The following ESR1 variants were observed in gnomAD, a reference collection of about 807,000 sequenced individuals.
ESR1 encodes the protein estrogen receptor.
Under a neutral mutation model 52.7 loss-of-function variants are expected in ESR1, and 12 were observed. That is an observed-to-expected ratio of 0.23 (90% CI 0.15 to 0.37). The LOEUF is 0.37. Among genes scored for constraint, ESR1 ranks in the 10% least tolerant of loss-of-function variants. ESR1 has a pLI of 1.00. For synonymous variants in ESR1, 305 were observed against 316.8 expected, an observed-to-expected ratio of 0.96 and a Z score of 0.39; for missense variants, 584 against 779.7, an observed-to-expected ratio of 0.75 and a Z score of 2.99.
In ESR1 at chr6:152,101,562, A is replaced by T; in HGVS notation, c.*2596A>T. Reference sequence around the variant, plus strand: ...CCCAGGGGTCTCCAGCAACTTTGGAAATCTCTTTGTATTTTTACTTGAAGT... The same window carrying T: ...CCCAGGGGTCTCCAGCAACTTTGGATATCTCTTTGTATTTTTACTTGAAGT... On this transcript the variant is annotated 3_prime_UTR_variant, in exon 8 of 8. Transcript: ENST00000206249. The T allele has an allele frequency of 4.3e-6, 1 of 231,006 alleles. No homozygotes were observed. The highest frequency in any genetic ancestry group is 8.6e-6 in the Non-Finnish European group (1 of 116,756). The allele number at this position is 231,006 out of a possible 1,614,324, so 14.3% of individuals were successfully genotyped here. A position where few individuals can be genotyped will look rare whatever the true frequency, so the allele number is the denominator to read the frequency against.
intron 6 of ESR1, among the ~76,000 whole-genome samples, chr6:152,124,675 T>C (rs1585389217): frequency 7.3e-6 from 1 of 136,104 alleles, no homozygotes; most frequent in South Asian, 2.6e-4. Flanking sequence ...ACCAATGAGT[T>C]ATTCCTAATA....
intron 2 of ESR1, among the ~76,000 whole-genome samples, chr6:151,704,584 A>G (rs537621656): frequency 6.6e-6 from 1 of 152,322 alleles, no homozygotes; most frequent in South Asian, 2.1e-4. Context: ...TTAAAACATA[A>G]AAGTTCCATT....
intron 2 of ESR1, among the ~76,000 whole-genome samples, chr6:151,858,882 T>C (rs1788376208): frequency 6.6e-6 from 1 of 152,218 alleles, no homozygotes; most frequent in African/African-American, 2.4e-5. Context: ...AGGAGACCAA[T>C]TTACTTCTGT....
At chr6:151,735,088 T>C (rs1782544243) in intron 2 of ESR1, among the ~76,000 whole-genome samples, 1 of 152,246 alleles carries the variant, frequency 6.6e-6, no homozygotes, top group Non-Finnish European at 1.5e-5. Flanking sequence ...CATTTCTTCA[T>C]TAGACAAGGA....
Position 151,980,624 on chromosome 6 carries a change from T to G in ESR1, c.1097-31032T>G, listed in dbSNP as rs143698163. 2.0e-5 allele frequency among the ~76,000 whole-genome samples: 3 copies of G among 152,354 alleles called. No individual in the cohort carries two copies. In the East Asian group the frequency reaches 5.8e-4, roughly 29 times the overall value. On this transcript the variant is annotated intron_variant, in intron 4 of 7. Coordinates refer to ENST00000206249, the MANE Select transcript of ESR1 (RefSeq NM_000125.4). Reference sequence around the variant, plus strand: ...CTTAAGGACCAGATTAGACCAGCCATCTGCATCATGTAGCATGTCTGGGTT... The same window carrying G: ...CTTAAGGACCAGATTAGACCAGCCAGCTGCATCATGTAGCATGTCTGGGTT...
At position 151,814,493 on chromosome 6, in the gene ESR1, T is replaced by C. The variant is rs542274608; in HGVS notation, c.452+6129T>C. 2.0e-5 allele frequency among the ~76,000 whole-genome samples: 3 copies of C among 152,304 alleles called. No homozygotes were observed. The South Asian group carries it at 6.2e-4, about 32-fold the overall frequency. Reference sequence around the variant, plus strand: ...TTTCACCTTTTCTGGTTTATTTCTTTATTGACCTGTCTCATCTGTTATTTT... The same window carrying C: ...TTTCACCTTTTCTGGTTTATTTCTTCATTGACCTGTCTCATCTGTTATTTT... On this transcript the variant is annotated intron_variant, in intron 1 of 7. Coordinates refer to ENST00000206249, the MANE Select transcript of ESR1 (RefSeq NM_000125.4).
intron 2 of ESR1, among the ~76,000 whole-genome samples, chr6:151,794,720 C>T (rs1184828714): frequency 2.0e-5 from 3 of 151,976 alleles, no homozygotes; most frequent in East Asian, 1.9e-4. Context: ...ACACTAGACT[C>T]GTGAGTTTTT....
chr6:152,031,682 C>T (rs1014189928), intron 5 of ESR1, among the ~76,000 whole-genome samples: 28 of 152,098 alleles, frequency 1.8e-4, no homozygotes, highest in African/African-American at 5.1e-4. Flanking sequence ...CAGGACCAGA[C>T]GGATTCACAG....
intron 3 of ESR1, among the ~76,000 whole-genome samples, chr6:151,933,084 G>A (rs1032977994): frequency 6.6e-6 from 1 of 151,788 alleles, no homozygotes; most frequent in Admixed American, 6.6e-5. Context: ...TCCTACCCAT[G>A]AGCATGGAAT....
At chr6:152,115,645 A>T (rs1029941294) in intron 6 of ESR1, among the ~76,000 whole-genome samples, 3 of 152,232 alleles carry the variant, frequency 2.0e-5, no homozygotes, top group African/African-American at 7.2e-5. Flanking sequence ...TGAAGTCAGG[A>T]CACTTCATAT....
At chr6:151,776,927 C>T (rs979517841) in intron 2 of ESR1, among the ~76,000 whole-genome samples, 1 of 151,106 alleles carries the variant, frequency 6.6e-6, no homozygotes, top group Non-Finnish European at 1.5e-5. Context: ...GGGAGATATA[C>T]GTGAGTTTGA....
chr6:152,121,470 G>C (rs2051366110), intron 6 of ESR1, among the ~76,000 whole-genome samples: 1 of 152,166 alleles, frequency 6.6e-6, no homozygotes, highest in Non-Finnish European at 1.5e-5. Context: ...CAGGAGATTT[G>C]ATTGACTATG....
intron 3 of ESR1, among the ~76,000 whole-genome samples, chr6:151,906,647 T>C (rs1294590974): frequency 6.6e-6 from 1 of 150,658 alleles, no homozygotes; most frequent in Non-Finnish European, 1.5e-5. Flanking sequence ...CTTTTACAGA[T>C]ATTTATATAT....
chr6:151,798,502 T>C (rs1265870730), intron 2 of ESR1, among the ~76,000 whole-genome samples: 1 of 152,254 alleles, frequency 6.6e-6, no homozygotes. Flanking sequence ...AAGTGATGTC[T>C]TTATTCAATT....
At chr6:151,941,013 C>T (rs937443769) in intron 3 of ESR1, among the ~76,000 whole-genome samples, 1 of 152,142 alleles carries the variant, frequency 6.6e-6, no homozygotes, top group Non-Finnish European at 1.5e-5. Context: ...GGTGGTAATA[C>T]TACGTTTCGT....
intron 1 of ESR1, among the ~76,000 whole-genome samples, chr6:151,673,978 T>G (rs1247923462): frequency 1.3e-5 from 2 of 152,190 alleles, no homozygotes; most frequent in African/African-American, 2.4e-5. Context: ...TACAACCAAG[T>G]GATTTTTCTC....
At chr6:151,913,406 T>G (rs1488016572) in intron 3 of ESR1, among the ~76,000 whole-genome samples, 2 of 152,224 alleles carry the variant, frequency 1.3e-5, no homozygotes, top group Non-Finnish European at 2.9e-5. Context: ...CAAATGACTA[T>G]GTAATTATAA....
At chr6:151,924,527 G>A (rs867618559) in intron 3 of ESR1, among the ~76,000 whole-genome samples, 18 of 151,876 alleles carry the variant, frequency 1.2e-4, no homozygotes, top group African/African-American at 3.9e-4. Context: ...AGATCATCTC[G>A]TCACCCAGGT....
chr6:152,089,229 T>C (rs1369502818), intron 6 of ESR1, among the ~76,000 whole-genome samples: 2 of 152,232 alleles, frequency 1.3e-5, no homozygotes, highest in Non-Finnish European at 2.9e-5. Context: ...GGACTTCTTA[T>C]CATGTTACAA....
Sources: gnomAD v4.1 joint callset for allele counts (sites outside exome capture counted in the v4.1 genomes callset) on GRCh38, gnomAD v4.1.1 for gene constraint, MANE v1.5 for transcripts, NCBI Gene and HGNC (gene_info 2026-07-23, HGNC 2026-07-21) for gene names.